The following LPP variants were observed in gnomAD, a reference collection of about 807,000 sequenced individuals.
The protein encoded by LPP is lipoma-preferred partner.
LPP carries 38 observed loss-of-function variants against 60.4 expected under a neutral mutation model. The observed-to-expected ratio is 0.63, with a 90% CI of 0.49 to 0.83. LPP has a LOEUF of 0.83. Among genes scored for constraint, LPP ranks in the 40% least tolerant of loss-of-function variants. The pLI is 0.00. For missense variants in LPP, 902 were observed against 783.6 expected, an observed-to-expected ratio of 1.15 and a Z score of -1.80; for synonymous variants, 328 against 290.8, an observed-to-expected ratio of 1.13 and a Z score of -1.30.
chr3:188,724,122 A>C (rs1035343002), intron 8 of LPP, among the ~76,000 whole-genome samples: 7 of 152,198 alleles, frequency 4.6e-5, no homozygotes, highest in African/African-American at 1.7e-4. Context: ...TATGAGTTCT[A>C]CATGCATTAC....
intron 7 of LPP, among the ~76,000 whole-genome samples, chr3:188,615,867 G>T (rs1844748040): frequency 6.6e-6 from 1 of 152,018 alleles, no homozygotes; most frequent in Admixed American, 6.6e-5. Flanking sequence ...TATGTTTGTT[G>T]ACCGCATAAA....
chr3:188,440,500 A>G (rs1015169331), intron 4 of LPP, among the ~76,000 whole-genome samples: 1 of 152,178 alleles, frequency 6.6e-6, no homozygotes, highest in Non-Finnish European at 1.5e-5. Context: ...CTAGGATTTC[A>G]CATCAGCTTT....
rs1770527647 is a variant in LPP, at chr3:188,885,293, C to T, written c.*10814C>T. On this transcript the variant is annotated 3_prime_UTR_variant, in exon 12 of 12. Transcript: ENST00000617246. ...GATAAGTGTTTTATGCATTTCCCTC[C>T]CTGGAGTGTTATCATCCATCAAGCC... is the stretch of plus-strand genomic sequence containing the variant. 5.1e-6 allele frequency: 1 copy of T among 197,664 alleles called. No homozygotes were observed. The allele number at this position is 197,664 out of a possible 1,614,324, so 12.2% of individuals were successfully genotyped here. A position where few individuals can be genotyped will look rare whatever the true frequency, so the allele number is the denominator to read the frequency against.
intron 7 of LPP, among the ~76,000 whole-genome samples, chr3:188,683,951 T>G (rs902426534): frequency 6.6e-6 from 1 of 152,236 alleles, no homozygotes; most frequent in African/African-American, 2.4e-5. Flanking sequence ...ACACTAGACT[T>G]GAAGTCGGGA....
chr3:188,334,448 G>A (rs1453885015), intron 2 of LPP, among the ~76,000 whole-genome samples: 5 of 114,034 alleles, frequency 4.4e-5, no homozygotes, highest in South Asian at 2.9e-4. Flanking sequence ...TTTTTGAGAC[G>A]GAGTTTTGCT....
At position 188,887,080 on chromosome 3, in the gene LPP, C is replaced by T. The variant is rs1407700635; in HGVS notation, c.*12601C>T. 1.3e-5 allele frequency: 3 copies of T among 230,012 alleles called. No individual in the cohort carries two copies. Among genetic ancestry groups the T allele is most frequent in the African/African-American group, 4.4e-5 (2 of 45,110 alleles). 14.2% of individuals were successfully genotyped at this position (230,012 alleles called of 1,614,324 possible). A position where few individuals can be genotyped will look rare whatever the true frequency, so the allele number is the denominator to read the frequency against. ...GTGTTGCCACTTTGTATGGTGCCTG[C>T]TGTGCTTTATCCCGAGGCATAGCAG... is the stretch of plus-strand genomic sequence containing the variant. On this transcript the variant is annotated 3_prime_UTR_variant, in exon 12 of 12. Coordinates refer to ENST00000617246, the MANE Select transcript of LPP (RefSeq NM_001375462.1).
intron 2 of LPP, among the ~76,000 whole-genome samples, chr3:188,240,793 G>C (rs1488217723): frequency 6.6e-6 from 1 of 152,078 alleles, no homozygotes; most frequent in Non-Finnish European, 1.5e-5. Context: ...GGGCTGCTCT[G>C]TCCTCGGCGA....
At chr3:188,549,498 G>A (rs1225914427) in intron 6 of LPP, among the ~76,000 whole-genome samples, 4 of 152,144 alleles carry the variant, frequency 2.6e-5, no homozygotes, top group Non-Finnish European at 4.4e-5. Flanking sequence ...CCTGTAAGTA[G>A]CGATTTTAAA....
intron 7 of LPP, chr3:188,688,868 T>A (rs1269153257): frequency 1.9e-6 from 1 of 520,802 alleles, no homozygotes; most frequent in Non-Finnish European, 3.9e-6. Flanking sequence ...GCAGGCACTT[T>A]CGTTCATCTG....
rs541223484 is a variant in LPP at position 188,621,103 on chromosome 3, C to A, written c.1113+11259C>A. On this transcript the variant is annotated intron_variant, in intron 7 of 11. Coordinates refer to ENST00000617246, the MANE Select transcript of LPP (RefSeq NM_001375462.1). The stretch of plus-strand genomic sequence containing the variant: ...ACCTGCACATTCTGCACGTGTACCC[C>A]AGAACTTAAATTTTTTGAAAAAAGC... Among the ~76,000 whole-genome samples the A allele has an allele frequency of 4.0e-5, 6 of 150,806 alleles. No individual in the cohort carries two copies. In the Middle Eastern group the frequency reaches 0.01, roughly 260 times the overall value.
At chr3:188,426,298 T>A (rs1789327079) in intron 4 of LPP, among the ~76,000 whole-genome samples, 1 of 152,238 alleles carries the variant, frequency 6.6e-6, no homozygotes, top group African/African-American at 2.4e-5. Context: ...CTAATTTGAT[T>A]GCACTGTAGA....
chr3:188,369,545 T>C (rs561842900), intron 3 of LPP, among the ~76,000 whole-genome samples: 2 of 152,160 alleles, frequency 1.3e-5, no homozygotes, highest in Non-Finnish European at 2.9e-5. Flanking sequence ...ATAATAGATA[T>C]GAAAAGGCTT....
chr3:188,342,476 C>G (rs978352253), intron 3 of LPP, among the ~76,000 whole-genome samples: 1 of 152,198 alleles, frequency 6.6e-6, no homozygotes, highest in African/African-American at 2.4e-5. Flanking sequence ...CCTGCTGAAT[C>G]TGTACCTTCT....
At chr3:188,637,680 A>C (rs1163444935) in intron 7 of LPP, among the ~76,000 whole-genome samples, 1 of 152,166 alleles carries the variant, frequency 6.6e-6, no homozygotes, top group Non-Finnish European at 1.5e-5. Context: ...GATAAAGGGG[A>C]TATCACCACC....
At chr3:188,833,757 C>T (rs1385908984) in intron 9 of LPP, among the ~76,000 whole-genome samples, 2 of 152,098 alleles carry the variant, frequency 1.3e-5, no homozygotes, top group South Asian at 4.1e-4. Context: ...TTAAATTAAT[C>T]CCCAAGAGCC....
At chr3:188,565,022 C>CT (rs1302417200) in intron 6 of LPP, among the ~76,000 whole-genome samples, 1 of 151,862 alleles carries the variant, frequency 6.6e-6, no homozygotes, top group Non-Finnish European at 1.5e-5. Flanking sequence ...TTTCTGTATC[C>CT]TTACACTGAA....
At chr3:188,200,715 G>T (rs1294257641) in intron 1 of LPP, among the ~76,000 whole-genome samples, 1 of 152,162 alleles carries the variant, frequency 6.6e-6, no homozygotes, top group African/African-American at 2.4e-5. Context: ...TAGCTTTGAG[G>T]AAGTATGGGG....
intron 6 of LPP, among the ~76,000 whole-genome samples, chr3:188,548,955 G>A (rs1465594597): frequency 1.3e-5 from 2 of 152,156 alleles, no homozygotes; most frequent in East Asian, 3.9e-4. Flanking sequence ...TCTATACCAC[G>A]TGGGATAACT....
chr3:188,194,878 A>G (rs1460719719), intron 1 of LPP, among the ~76,000 whole-genome samples: 2 of 151,904 alleles, frequency 1.3e-5, no homozygotes, highest in Non-Finnish European at 2.9e-5. Flanking sequence ...ACACAGGTTC[A>G]TTCAGAGGAG....
Sources: allele counts gnomAD v4.1 joint callset (sites outside exome capture counted in the v4.1 genomes callset), GRCh38; gene constraint gnomAD v4.1.1; transcripts MANE v1.5; gene names NCBI Gene and HGNC (gene_info 2026-07-23, HGNC 2026-07-21).